Variants in POF1B observed in about 807,000 individuals in gnomAD.
The protein encoded by POF1B is POF1B actin binding protein, also known as protein POF1B.
Under a neutral mutation model 55.3 loss-of-function variants are expected in POF1B, and 53 were observed. That is an observed-to-expected ratio of 0.96 (90% CI 0.77 to 1.20). The LOEUF (loss-of-function observed/expected upper bound fraction) is 1.20, where lower values mean the gene tolerates loss of function less well. POF1B is among the 50% of genes most tolerant of loss of function. The pLI is 0.00. For synonymous variants in POF1B, 188 were observed against 148.3 expected (o/e 1.27, Z -1.95); for missense variants, 478 against 420.5 (o/e 1.14, Z -1.20).
At chrX:85,322,323 G>T (rs1018827772) in intron 7 of POF1B, among the ~76,000 whole-genome samples, 3 of 110,873 alleles carry the variant, frequency 2.7e-5, no homozygotes, top group Non-Finnish European at 5.7e-5. Context: ...TGACAAACCT[G>T]AGAAAAACAA....
intron 7 of POF1B, among the ~76,000 whole-genome samples, chrX:85,319,427 G>C (rs376778384): frequency 7.2e-5 from 8 of 110,934 alleles, no homozygotes; most frequent in Admixed American, 2.9e-4. Flanking sequence ...TGGTGAGAGA[G>C]AGCATTCTTA....
intron 5 of POF1B, among the ~76,000 whole-genome samples, chrX:85,348,976 A>G (rs1427307762): frequency 5.4e-5 from 6 of 111,532 alleles, no homozygotes; most frequent in African/African-American, 1.9e-4. Context: ...TAAAGGACAG[A>G]TGTTATAATT....
intron 6 of POF1B, among the ~76,000 whole-genome samples, chrX:85,336,033 A>G (rs1160353901): frequency 5.4e-5 from 6 of 110,147 alleles, no homozygotes; most frequent in Non-Finnish European, 9.5e-5. Flanking sequence ...TCTGGTAACC[A>G]TACTCTACTC....
At chrX:85,305,432 C>G (rs1026728674) in intron 13 of POF1B, among the ~76,000 whole-genome samples, 1 of 110,652 alleles carries the variant, frequency 9.0e-6, no homozygotes. Context: ...TTTTACAAAT[C>G]TAACTATGGC....
intron 4 of POF1B, among the ~76,000 whole-genome samples, chrX:85,357,875 A>G (rs1933533886): frequency 9.0e-6 from 1 of 111,085 alleles, no homozygotes; most frequent in African/African-American, 3.3e-5. Context: ...CCTGTTAGTT[A>G]AAAATGCACC....
intron 2 of POF1B, among the ~76,000 whole-genome samples, chrX:85,374,420 T>C (rs1933886873): frequency 8.9e-6 from 1 of 112,098 alleles, no homozygotes; most frequent in Non-Finnish European, 1.9e-5. Context: ...CAAGAAAGAC[T>C]GAAGGTAATG....
At chrX:85,370,124 T>C (rs1024838602) in intron 2 of POF1B, among the ~76,000 whole-genome samples, 7 of 112,093 alleles carry the variant, frequency 6.2e-5, no homozygotes, top group African/African-American at 2.3e-4. Context: ...TTTAAACAAA[T>C]AGGAATACAC....
In POF1B at chrX:85,378,402, A is replaced by C. The variant is rs6623272; in HGVS notation, c.282+771T>G. On this transcript the variant is annotated intron_variant, in intron 2 of 16. Coordinates refer to ENST00000262753, the MANE Select transcript of POF1B (RefSeq NM_024921.4). ...ACACATAAAGCTGTTAATTTTATACAGTCTTGCAGGGTTACCTTGTATTTA... is the reference window on the plus strand; with the variant it reads ...ACACATAAAGCTGTTAATTTTATACCGTCTTGCAGGGTTACCTTGTATTTA... 2.6e-4 allele frequency among the ~76,000 whole-genome samples: 29 copies of C among 112,162 alleles called. No homozygotes were observed. The East Asian group carries it at 7.3e-3, about 28-fold the overall frequency.
intron 10 of POF1B, 65 bp downstream of exon 10, chrX:85,308,059 C>A: frequency 1.5e-6 from 1 of 681,077 alleles, no homozygotes. Flanking sequence ...TACTGGACAT[C>A]TTTATTTCTG....
At chrX:85,365,745 G>A (rs748559014) in intron 3 of POF1B, among the ~76,000 whole-genome samples, 2 of 111,679 alleles carry the variant, frequency 1.8e-5, no homozygotes, top group African/African-American at 6.5e-5. Context: ...GCTCTATGGC[G>A]ATATCAGTGT....
intron 7 of POF1B, among the ~76,000 whole-genome samples, chrX:85,322,728 G>T (rs766668317): frequency 3.0e-3 from 339 of 111,447 alleles, no homozygotes; most frequent in Non-Finnish European, 4.8e-3. Context: ...AATCTACAAT[G>T]AACTCAAACA....
chrX:85,294,079 C>A (rs1357194760), intron 15 of POF1B, among the ~76,000 whole-genome samples: 1 of 112,041 alleles, frequency 8.9e-6, no homozygotes, highest in Non-Finnish European at 1.9e-5. Context: ...GTTTTGTATT[C>A]TGAAACTTTA....
At chrX:85,304,718 G>A (rs1932533701) in intron 13 of POF1B, among the ~76,000 whole-genome samples, 1 of 110,417 alleles carries the variant, frequency 9.1e-6, no homozygotes, top group East Asian at 2.8e-4. Flanking sequence ...ACAGTCTTAG[G>A]CCACAAAATT....
chrX:85,337,182 A>G (rs903561600), intron 6 of POF1B, among the ~76,000 whole-genome samples: 2 of 111,306 alleles, frequency 1.8e-5, no homozygotes, highest in Non-Finnish European at 3.8e-5. Flanking sequence ...TTACCAGGCT[A>G]TTTTACCAGG....
intron 9 of POF1B, among the ~76,000 whole-genome samples, chrX:85,309,574 G>T (rs1932653118): frequency 9.0e-6 from 1 of 111,063 alleles, no homozygotes; most frequent in Admixed American, 9.6e-5. Context: ...TCAGTGTTGG[G>T]CAAGCTGGTG....
At chrX:85,350,397 G>A (rs1197900281) in intron 5 of POF1B, among the ~76,000 whole-genome samples, 1 of 111,594 alleles carries the variant, frequency 9.0e-6, no homozygotes, top group African/African-American at 3.3e-5. Flanking sequence ...ATTCCACGGT[G>A]TATATGTGCC....
At chrX:85,313,144 C>G (rs1359072757) in intron 9 of POF1B, among the ~76,000 whole-genome samples, 1 of 111,519 alleles carries the variant, frequency 9.0e-6, no homozygotes, top group Admixed American at 9.5e-5. Context: ...GACTTCCTCT[C>G]TTGCTATTTG....
At chrX:85,333,129 C>A (rs1294896922) in intron 6 of POF1B, among the ~76,000 whole-genome samples, 1 of 110,547 alleles carries the variant, frequency 9.0e-6, no homozygotes, top group Non-Finnish European at 1.9e-5. Flanking sequence ...AGATTTCACT[C>A]TTTGGGGCAC....
At chrX:85,309,185 G>A (rs1244060500) in intron 9 of POF1B, among the ~76,000 whole-genome samples, 2 of 109,750 alleles carry the variant, frequency 1.8e-5, no homozygotes, top group African/African-American at 6.6e-5. Context: ...ACTGATAACG[G>A]GCCACTACTT....
Sources: gnomAD v4.1 joint callset for allele counts (sites outside exome capture counted in the v4.1 genomes callset) on GRCh38, gnomAD v4.1.1 for gene constraint, MANE v1.5 for transcripts, NCBI Gene and HGNC (gene_info 2026-07-23, HGNC 2026-07-21) for gene names.